The following TMEM181 variants were observed in gnomAD, a reference collection of about 807,000 sequenced individuals.
TMEM181 encodes the protein G protein-coupled receptor 178.
In TMEM181, 39 loss-of-function variants were observed where a neutral mutation model predicts 71.9. That is an observed-to-expected ratio of 0.54 (90% CI 0.42 to 0.71). TMEM181 has a LOEUF of 0.71. Among genes scored for constraint, TMEM181 ranks in the 30% least tolerant of loss-of-function variants. The pLI is 0.00. For synonymous variants in TMEM181, 245 were observed against 228.8 expected (o/e 1.07, Z -0.64); for missense variants, 595 against 583.0 (o/e 1.02, Z -0.21).
rs1046732158 is a variant in TMEM181, at chr6:158,573,867, G to T, written c.112+344G>T. ...TGTGTCCAGAACATGCTGCCTGGTT[G>T]GGGAGACAGGCCATGGAAGAGCTCT... On this transcript the variant is annotated intron_variant, in intron 2 of 16. Coordinates refer to ENST00000684151, the MANE Select transcript of TMEM181 (RefSeq NM_001376852.1). Among the ~76,000 whole-genome samples the T allele has an allele frequency of 5.3e-5, 8 of 152,290 alleles. No homozygotes were observed. The East Asian group carries it at 1.5e-3, about 29-fold the overall frequency.
chr6:158,627,178 T>C (rs527866076), intron 13 of TMEM181, among the ~76,000 whole-genome samples: 164 of 148,108 alleles, frequency 1.1e-3, no homozygotes, highest in African/African-American at 3.9e-3. Context: ...ACACACACCC[T>C]CACTCTCACA....
At chr6:158,558,137 G>A (rs1781973798), upstream of TMEM181, among the ~76,000 whole-genome samples, 1 of 152,178 alleles carries the variant, frequency 6.6e-6, no homozygotes, top group Non-Finnish European at 1.5e-5. Flanking sequence ...AATGCACACA[G>A]TGAGGGCCAG....
chr6:158,573,558 C>A, intron 2 of TMEM181, 35 bp downstream of exon 2: 1 of 1,539,998 alleles, frequency 6.5e-7, no homozygotes, highest in Non-Finnish European at 8.8e-7. Context: ...AATCTTTTGC[C>A]ATGCGCGGTG....
At chr6:158,538,241 A>C (rs534982869) in intron 1 of TMEM181, among the ~76,000 whole-genome samples, 1 of 147,230 alleles carries the variant, frequency 6.8e-6, no homozygotes, top group African/African-American at 2.5e-5. Context: ...TGCATCCTCC[A>C]CTTCCCTGGC....
chr6:158,538,380 C>T (rs1781211365), intron 1 of TMEM181, among the ~76,000 whole-genome samples: 1 of 151,898 alleles, frequency 6.6e-6, no homozygotes, highest in South Asian at 2.1e-4. Flanking sequence ...GTCTCAAACT[C>T]CTGGGCTCAA....
chr6:158,577,193 C>T (rs1355085517), intron 2 of TMEM181, among the ~76,000 whole-genome samples: 1 of 151,698 alleles, frequency 6.6e-6, no homozygotes, highest in Non-Finnish European at 1.5e-5. Context: ...GACTTTAAAA[C>T]AGCTGTCTTA....
intron 6 of TMEM181, among the ~76,000 whole-genome samples, chr6:158,598,959 C>G (rs747427925): frequency 6.6e-6 from 1 of 152,196 alleles, no homozygotes; most frequent in Non-Finnish European, 1.5e-5. Context: ...CCGCACCCGG[C>G]CATTTCATGT....
intron 13 of TMEM181, among the ~76,000 whole-genome samples, chr6:158,626,929 CTCATT>C (rs1786324651): frequency 3.3e-5 from 2 of 61,256 alleles, no homozygotes. Flanking sequence ...CATTCTCACC[CTCATT>C]CTCACCCTCA....
chr6:158,551,378 A>AACT lies in TMEM181; in HGVS notation c.131+14513_131+14514insACT, dbSNP rs776861278. On this transcript the variant is annotated intron_variant, in intron 1 of 16. Coordinates refer to the TMEM181 transcript ENST00000367090. ...ATTTTATTTAATCCACTGGTCCTACAGTTACTAGAAATGTGTTCAAGAGTA... is the reference window on the plus strand; with the variant it reads ...ATTTTATTTAATCCACTGGTCCTACAACTGTTACTAGAAATGTGTTCAAGAGTA... Among the ~76,000 whole-genome samples, 454 of 152,282 alleles carry AACT rather than the reference A, an allele frequency of 3.0e-3. No homozygotes were observed. The Middle Eastern group carries it at 0.034, about 11-fold the overall frequency.
intron 1 of TMEM181, chr6:158,536,868 G>C: frequency 7.3e-7 from 1 of 1,366,758 alleles, no homozygotes; most frequent in Non-Finnish European, 9.5e-7. Flanking sequence ...TACTACAGGT[G>C]GGCGCGGCGC....
chr6:158,618,047 C>G (rs554756852), intron 10 of TMEM181, among the ~76,000 whole-genome samples: 2 of 152,132 alleles, frequency 1.3e-5, no homozygotes, highest in African/African-American at 2.4e-5. Context: ...AGCTTTCTGT[C>G]TTGTTGATCT....
intron 2 of TMEM181, among the ~76,000 whole-genome samples, 167 bp downstream of exon 2, chr6:158,573,690 C>G (rs1220916507): frequency 6.6e-6 from 1 of 152,176 alleles, no homozygotes; most frequent in African/African-American, 2.4e-5. Flanking sequence ...CTTCTAGCTG[C>G]TCTGTCTCTT....
intron 1 of TMEM181, among the ~76,000 whole-genome samples, chr6:158,550,292 G>C (rs945835995): frequency 6.6e-6 from 1 of 151,418 alleles, no homozygotes; most frequent in Admixed American, 6.6e-5. Flanking sequence ...TGATCTGCCC[G>C]CCATGGCCTC....
chr6:158,589,839 T>C (rs996503821), intron 6 of TMEM181, 57 bp downstream of exon 6: 8 of 1,225,274 alleles, frequency 6.5e-6, no homozygotes, highest in Non-Finnish European at 9.6e-6. Flanking sequence ...TCCCATTCTT[T>C]GTTCAATGAT....
intron 2 of TMEM181, among the ~76,000 whole-genome samples, chr6:158,578,671 A>G (rs1040692113): frequency 2.0e-5 from 3 of 152,210 alleles, no homozygotes; most frequent in Non-Finnish European, 2.9e-5. Flanking sequence ...AAGAGGTACA[A>G]AAAGGCTATG....
intron 16 of TMEM181, 127 bp downstream of exon 16, chr6:158,631,516 G>C (rs1583065577): frequency 9.6e-7 from 1 of 1,042,340 alleles, no homozygotes; most frequent in Non-Finnish European, 1.4e-6. Context: ...GGAGTGTCAA[G>C]TGGCTCGTGG....
intron 1 of TMEM181, among the ~76,000 whole-genome samples, chr6:158,569,886 G>A (rs1782708350): frequency 6.6e-6 from 1 of 152,134 alleles, no homozygotes; most frequent in African/African-American, 2.4e-5. Context: ...TTGCAGGCGT[G>A]AGCCACCGCA....
chr6:158,608,076 G>C (rs1785054084), intron 8 of TMEM181, among the ~76,000 whole-genome samples: 1 of 152,252 alleles, frequency 6.6e-6, no homozygotes, highest in Admixed American at 6.5e-5. Flanking sequence ...AAACAAAATA[G>C]CCATTGGTTC....
chr6:158,631,417 C>A (rs1049095682), intron 16 of TMEM181, 28 bp downstream of exon 16: 10 of 1,611,284 alleles, frequency 6.2e-6, no homozygotes, highest in Non-Finnish European at 7.6e-6. Flanking sequence ...AGAAGGCCGG[C>A]ACACCTTGGG....
Sources: allele counts gnomAD v4.1 joint callset (sites outside exome capture counted in the v4.1 genomes callset), GRCh38; gene constraint gnomAD v4.1.1; transcripts MANE v1.5; gene names NCBI Gene and HGNC (gene_info 2026-07-23, HGNC 2026-07-21).